The following SCN8A variants were observed in gnomAD, a reference collection of about 807,000 sequenced individuals.
The protein encoded by SCN8A is sodium channel protein type 8 subunit alpha.
Under a neutral mutation model 184.1 loss-of-function variants are expected in SCN8A, and 30 were observed. The ratio of observed to expected loss-of-function variants is 0.16; its 90% CI spans 0.12 to 0.22. The LOEUF is 0.22. SCN8A is among the 10% of genes least tolerant of loss of function. SCN8A has a pLI of 1.00. For synonymous variants in SCN8A, 852 were observed against 907.0 expected (o/e 0.94, Z 1.09); for missense variants, 1,057 against 2,498.9 (o/e 0.42, Z 12.30).
intron 1 of SCN8A, among the ~76,000 whole-genome samples, chr12:51,617,983 G>A (rs150706705): frequency 6.3e-4 from 96 of 152,240 alleles, no homozygotes; most frequent in African/African-American, 1.8e-3. Context: ...GATGAGCCCC[G>A]GAATTCATAT....
At chr12:51,654,117 A>G (rs1940774334) in intron 1 of SCN8A, among the ~76,000 whole-genome samples, 1 of 152,134 alleles carries the variant, frequency 6.6e-6, no homozygotes, top group Admixed American at 6.5e-5. Context: ...ACAATTTGCA[A>G]ATATTTTCTC....
intron 1 of SCN8A, among the ~76,000 whole-genome samples, chr12:51,631,150 T>C (rs76228124): frequency 0.13 from 19,250 of 152,222 alleles, 1,382 homozygotes; most frequent in South Asian, 0.23. Flanking sequence ...CTTCTTCCTT[T>C]AAACACCCAG....
chr12:51,785,719 A>T (rs1486777639), intron 21 of SCN8A, among the ~76,000 whole-genome samples: 1 of 151,950 alleles, frequency 6.6e-6, no homozygotes, highest in Non-Finnish European at 1.5e-5. Context: ...CAATATGCCA[A>T]TTTTTTTAGT....
At chr12:51,783,358 G>A (rs140711659) in intron 21 of SCN8A, among the ~76,000 whole-genome samples, 1,626 of 152,146 alleles carry the variant, frequency 0.011, 25 homozygotes, top group African/African-American at 0.034. Context: ...ACACTTGAGA[G>A]ATTACCTTTA....
Position 51,684,162 on chromosome 12 carries a change from CT to C in SCN8A, c.277-9del. The stretch of plus-strand genomic sequence containing the variant: ...ATGCTTTAATAATTTCTCTCTCTTT[CT>C]TTCTCCACAGACCTTTGTAGTATTA... On this transcript the variant is annotated splice_polypyrimidine_tract_variant and intron_variant, in intron 2 of 26. Transcript: ENST00000627620. The C allele has an allele frequency of 1.5e-6, 2 of 1,300,726 alleles. No homozygotes were observed. The highest frequency in any genetic ancestry group is 2.2e-6 in the Non-Finnish European group (2 of 894,324). The allele number at this position is 1,300,726 out of a possible 1,614,324, so 80.6% of individuals were successfully genotyped here. A position where few individuals can be genotyped will look rare whatever the true frequency, so the allele number is the denominator to read the frequency against.
chr12:51,801,652 A>G (rs1221321287), intron 26 of SCN8A, among the ~76,000 whole-genome samples: 1 of 152,210 alleles, frequency 6.6e-6, no homozygotes, highest in African/African-American at 2.4e-5. Flanking sequence ...TAGTGGGCCC[A>G]TATCAATAAA....
chr12:51,761,651 A>G (rs1942764228), intron 14 of SCN8A, among the ~76,000 whole-genome samples: 2 of 151,678 alleles, frequency 1.3e-5, no homozygotes, highest in African/African-American at 4.8e-5. Context: ...ACCACGCCCA[A>G]CTAATTTTTG....
At chr12:51,802,089 G>A (rs1938571907) in intron 26 of SCN8A, among the ~76,000 whole-genome samples, 1 of 152,136 alleles carries the variant, frequency 6.6e-6, no homozygotes, top group Admixed American at 6.5e-5. Context: ...CTTTTGGAGT[G>A]TAGCTCATCT....
intron 1 of SCN8A, among the ~76,000 whole-genome samples, chr12:51,643,856 G>T: frequency 6.6e-6 from 1 of 152,122 alleles, no homozygotes; most frequent in South Asian, 2.1e-4. Flanking sequence ...ACTTAGGAGA[G>T]TGTATCCTGA....
At chr12:51,625,958 G>A (rs1268939616) in intron 1 of SCN8A, among the ~76,000 whole-genome samples, 1 of 152,160 alleles carries the variant, frequency 6.6e-6, no homozygotes, top group Non-Finnish European at 1.5e-5. Context: ...ACTACACAGA[G>A]TGGTCAATGT....
At position 51,807,517 on chromosome 12, in the gene SCN8A, C is replaced by G; in HGVS notation, c.*88C>G. The G allele has an allele frequency of 1.5e-6, 2 of 1,346,798 alleles. No individual in the cohort carries two copies. The highest frequency in any genetic ancestry group is 1.0e-6 in the Non-Finnish European group (1 of 965,136). 83.4% of individuals were successfully genotyped at this position (1,346,798 alleles called of 1,614,324 possible). On this transcript the variant is annotated 3_prime_UTR_variant, in exon 27 of 27. Transcript: ENST00000627620. This position sits in a 1 kb window ranked among gnomAD's most constrained non-coding sequence, Gnocchi z 4.5. Reference sequence around the variant, plus strand: ...CTTCCTGAATATTATCAATGCAGAACAGCTGTGGAGACTCTAACCTGAAGA... The same window carrying G: ...CTTCCTGAATATTATCAATGCAGAAGAGCTGTGGAGACTCTAACCTGAAGA...
chr12:51,598,719 C>T (rs952377132), intron 1 of SCN8A, among the ~76,000 whole-genome samples: 12 of 152,134 alleles, frequency 7.9e-5, no homozygotes, highest in Admixed American at 6.5e-4. Flanking sequence ...GTATGCACTC[C>T]ATAATAGCAA....
At chr12:51,620,471 T>C (rs1939935350) in intron 1 of SCN8A, among the ~76,000 whole-genome samples, 1 of 152,172 alleles carries the variant, frequency 6.6e-6, no homozygotes, top group South Asian at 2.1e-4. Context: ...AATAGTCATC[T>C]TTAATTTTTT....
In SCN8A at chr12:51,718,325, A is replaced by AT. The variant is rs756388360; in HGVS notation, c.1636-3212dup. ...ACAGACCCCATCTCTATTAAAAAAA[A>AT]TTTTTTTTTAATTAGCCAGGCATGG... On this transcript the variant is annotated intron_variant, in intron 11 of 26. Transcript: ENST00000627620. Among the ~76,000 whole-genome samples the AT allele has an allele frequency of 1.2e-4, 18 of 151,418 alleles. No homozygotes were observed. The South Asian group carries it at 1.5e-3, about 12-fold the overall frequency.
At chr12:51,777,055 C>T (rs968863200) in intron 20 of SCN8A, among the ~76,000 whole-genome samples, 1 of 152,170 alleles carries the variant, frequency 6.6e-6, no homozygotes, top group South Asian at 2.1e-4. Context: ...TTCCCCAGGA[C>T]ATTTATCCCA....
At chr12:51,801,277 T>G (rs1200769999) in intron 26 of SCN8A, among the ~76,000 whole-genome samples, 1 of 152,168 alleles carries the variant, frequency 6.6e-6, no homozygotes, top group Non-Finnish European at 1.5e-5. Flanking sequence ...CCCATTGCAT[T>G]TAAATTATCC....
At chr12:51,708,929 CT>C (rs1049062192) in intron 11 of SCN8A, among the ~76,000 whole-genome samples, 6 of 152,116 alleles carry the variant, frequency 3.9e-5, no homozygotes, top group African/African-American at 1.4e-4. Flanking sequence ...CCCTAGAGAG[CT>C]TACAGTACAG....
chr12:51,629,348 G>C (rs967218554), intron 1 of SCN8A, among the ~76,000 whole-genome samples: 1 of 152,134 alleles, frequency 6.6e-6, no homozygotes, highest in African/African-American at 2.4e-5. Flanking sequence ...TTGTGGGGCT[G>C]TTCTGTGCAT....
At chr12:51,770,250 C>A in intron 18 of SCN8A, 1 of 586,692 alleles carries the variant, frequency 1.7e-6, no homozygotes, top group Non-Finnish European at 3.0e-6. Context: ...CCTGTTCTGT[C>A]ATGGCTGTGC....
Sources: allele counts gnomAD v4.1 joint callset (sites outside exome capture counted in the v4.1 genomes callset), GRCh38; gene constraint gnomAD v4.1.1; non-coding constraint Gnocchi (gnomAD v3.1); transcripts MANE v1.5; gene names NCBI Gene and HGNC (gene_info 2026-07-23, HGNC 2026-07-21).